Variants in ADCY8 observed in about 807,000 individuals in gnomAD.
ADCY8 encodes the protein adenylate cyclase type 8.
Under a neutral mutation model 119.7 loss-of-function variants are expected in ADCY8, and 51 were observed. The ratio of observed to expected loss-of-function variants is 0.43; its 90% CI spans 0.34 to 0.54. The LOEUF (loss-of-function observed/expected upper bound fraction) is 0.54. Among genes scored for constraint, ADCY8 ranks in the 20% least tolerant of loss-of-function variants. The pLI is 0.03. For missense variants in ADCY8, 1,383 were observed against 1,598.8 expected (o/e 0.87, Z 2.30); for synonymous variants, 665 against 651.0 (o/e 1.02, Z -0.33).
intron 1 of ADCY8, among the ~76,000 whole-genome samples, chr8:131,012,271 G>T (rs1382340622): frequency 6.6e-6 from 1 of 152,120 alleles, no homozygotes; most frequent in Non-Finnish European, 1.5e-5. Flanking sequence ...GTGACCAGAG[G>T]CTCAGAGCAC....
intron 1 of ADCY8, among the ~76,000 whole-genome samples, chr8:131,021,411 T>G (rs35721413): frequency 0.067 from 10,205 of 152,132 alleles, 588 homozygotes; most frequent in African/African-American, 0.15. Flanking sequence ...GTGAAAAAAA[T>G]GTGGGTCTCC....
chr8:130,890,735 A>G (rs960535956), intron 7 of ADCY8, among the ~76,000 whole-genome samples: 9 of 152,152 alleles, frequency 5.9e-5, no homozygotes, highest in African/African-American at 2.2e-4. Flanking sequence ...ACAGGCTGGC[A>G]AGGGGTAACC....
At chr8:130,948,210 G>A (rs1204358878) in intron 3 of ADCY8, among the ~76,000 whole-genome samples, 1 of 152,192 alleles carries the variant, frequency 6.6e-6, no homozygotes, top group Non-Finnish European at 1.5e-5. Flanking sequence ...CACTGAAATT[G>A]AAAGGGTATT....
At chr8:130,975,129 G>A (rs6986982) in intron 2 of ADCY8, among the ~76,000 whole-genome samples, 35,872 of 152,060 alleles carry the variant, frequency 0.24, 5,769 homozygotes, top group African/African-American at 0.46. Context: ...TTGTTTAATC[G>A]TGGGAGAGGT....
At position 130,785,410 on chromosome 8, in the gene ADCY8, G is replaced by A. The variant is rs765430601; in HGVS notation, c.3126C>T (p.Ala1042=). Residue 1042 remains alanine, a synonymous_variant, in exon 16 of 18, where the codon GCC becomes GCT. Transcript: ENST00000286355. ...GTTTTTCAGGTGACAGGCCTGACAC[G>A]GCCATGTAGGTGCTGCCAATGGTCT... ...KIKTIGSTYM[A]VSGLSPEKQQ... The A allele has an allele frequency of 6.8e-6, 11 of 1,607,838 alleles. No homozygotes were observed. The highest frequency in any genetic ancestry group is 3.3e-5 in the South Asian group (3 of 89,984).
rs1818907190 is a variant in ADCY8, at chr8:130,884,587, T to C, written c.2086A>G (p.Lys696Glu). 6.2e-7 allele frequency: 1 copy of C among 1,613,844 alleles called. No homozygotes were observed. The highest frequency in any genetic ancestry group is 8.5e-7 in the Non-Finnish European group (1 of 1,179,824). ...ACCTTGTGCTCCAGGCTGGAGTCTTTAAACATCAGTGAGAATGGCTTGATA... is the reference window on the plus strand; with the variant it reads ...ACCTTGTGCTCCAGGCTGGAGTCTTCAAACATCAGTGAGAATGGCTTGATA... ...EHIKPFSLMF[K>E]DSSLEHKYSQ... is the part of the protein sequence containing the mutation. The change falls in exon 8 of 18, where the codon AAA becomes GAA. Residue 696 changes from lysine to glutamate, a missense_variant. Coordinates refer to ENST00000286355, the MANE Select transcript of ADCY8 (RefSeq NM_001115.3).
intron 7 of ADCY8, among the ~76,000 whole-genome samples, chr8:130,897,536 C>G (rs553379965): frequency 1.3e-5 from 2 of 151,554 alleles, no homozygotes; most frequent in Admixed American, 6.6e-5. Flanking sequence ...CGAGGACACT[C>G]AGGCAATGAG....
intron 15 of ADCY8, among the ~76,000 whole-genome samples, chr8:130,787,763 C>CACACA (rs1302340499): frequency 3.3e-5 from 5 of 150,966 alleles, no homozygotes; most frequent in African/African-American, 1.2e-4. Flanking sequence ...ATGCCTGTGT[C>CACACA]CACATGTATG....
At chr8:130,937,301 C>T (rs1166734272) in intron 4 of ADCY8, 101 bp from the exon 5 acceptor site, 1 of 1,265,084 alleles carries the variant, frequency 7.9e-7, no homozygotes, top group Non-Finnish European at 1.1e-6. Flanking sequence ...TGGTCTGCAA[C>T]TTGGGGTAAG....
chr8:130,929,753 T>C (rs976410128), intron 5 of ADCY8, among the ~76,000 whole-genome samples: 1 of 152,216 alleles, frequency 6.6e-6, no homozygotes, highest in Non-Finnish European at 1.5e-5. Context: ...CTACTATAGT[T>C]ATAATATAGT....
intron 12 of ADCY8, among the ~76,000 whole-genome samples, chr8:130,832,963 G>A (rs191214499): frequency 6.6e-5 from 10 of 152,304 alleles, no homozygotes; most frequent in Admixed American, 4.6e-4. Flanking sequence ...AGCTTATTCC[G>A]TTAATGTTGT....
At chr8:130,815,337 C>T (rs58236031) in intron 13 of ADCY8, among the ~76,000 whole-genome samples, 38,170 of 152,146 alleles carry the variant, frequency 0.25, 4,856 homozygotes, top group East Asian at 0.26. Flanking sequence ...ACACTTACCA[C>T]GTAGTAACAG....
Position 131,040,512 on chromosome 8 carries a change from G to T in ADCY8, c.-179C>A. On this transcript the variant is annotated 5_prime_UTR_variant, in exon 1 of 18. Transcript: ENST00000286355. ...TAGGTCGGGTCATACTGTGCCCAGG[G>T]GCAAAGGGCACCTGGAAGATCGCGG... is the stretch of plus-strand genomic sequence containing the variant. 2 of 620,266 alleles carry T rather than the reference G, an allele frequency of 3.2e-6. No homozygotes were observed. Among genetic ancestry groups the T allele is most frequent in the Non-Finnish European group, 4.7e-6 (2 of 422,964 alleles). The allele number at this position is 620,266 out of a possible 1,614,324, so 38.4% of individuals were successfully genotyped here. A position where few individuals can be genotyped will look rare whatever the true frequency, so the allele number is the denominator to read the frequency against.
chr8:131,033,118 T>C (rs1008193293), intron 1 of ADCY8, among the ~76,000 whole-genome samples: 1 of 152,204 alleles, frequency 6.6e-6, no homozygotes, highest in African/African-American at 2.4e-5. Flanking sequence ...GAATCAATAT[T>C]GTACCTATTT....
At chr8:131,010,487 C>A (rs557874397) in intron 1 of ADCY8, among the ~76,000 whole-genome samples, 2 of 151,326 alleles carry the variant, frequency 1.3e-5, no homozygotes, top group South Asian at 4.2e-4. Context: ...GTTTGTATGC[C>A]ATTTTAATTA....
At chr8:130,941,931 A>G (rs978230880) in intron 4 of ADCY8, among the ~76,000 whole-genome samples, 1 of 152,174 alleles carries the variant, frequency 6.6e-6, no homozygotes, top group Non-Finnish European at 1.5e-5. Flanking sequence ...ACAAATTCAA[A>G]CCCATGTCTG....
chr8:130,807,419 G>A (rs1350412874), intron 14 of ADCY8, among the ~76,000 whole-genome samples: 1 of 152,192 alleles, frequency 6.6e-6, no homozygotes, highest in African/African-American at 2.4e-5. Context: ...AAACTTCACT[G>A]CCAGTGGGAT....
At chr8:130,827,682 C>A (rs1816709378) in intron 12 of ADCY8, among the ~76,000 whole-genome samples, 1 of 152,164 alleles carries the variant, frequency 6.6e-6, no homozygotes, top group African/African-American at 2.4e-5. Flanking sequence ...TTTCCTGGCA[C>A]AAGATGACAA....
intron 1 of ADCY8, among the ~76,000 whole-genome samples, chr8:131,018,490 G>T (rs1383098770): frequency 3.2e-4 from 48 of 152,138 alleles, no homozygotes; most frequent in Admixed American, 3.1e-3. Context: ...CATGTGTTGT[G>T]TGCTAGGCAT....
Sources: gnomAD v4.1 joint callset for allele counts (sites outside exome capture counted in the v4.1 genomes callset) on GRCh38, gnomAD v4.1.1 for gene constraint, MANE v1.5 for transcripts, NCBI Gene and HGNC (gene_info 2026-07-23, HGNC 2026-07-21) for gene names.